VPS13C: variants seen among roughly 807,000 people sequenced by gnomAD.
VPS13C encodes the protein intermembrane lipid transfer protein VPS13C.
VPS13C carries 358 observed loss-of-function variants against 456.8 expected under a neutral mutation model. The observed-to-expected ratio is 0.78, with a 90% CI of 0.72 to 0.86. The LOEUF (loss-of-function observed/expected upper bound fraction) is 0.86. Among genes scored for constraint, VPS13C ranks in the 40% least tolerant of loss-of-function variants. The pLI is 0.00. For synonymous variants in VPS13C, 1,578 were observed against 1,486.7 expected (o/e 1.06, Z -1.41); for missense variants, 4,818 against 4,385.4 (o/e 1.10, Z -2.79).
intron 82 of VPS13C, chr15:61,856,880 C>T (rs1596259397): frequency 6.4e-6 from 1 of 155,698 alleles, no homozygotes; most frequent in Admixed American, 6.6e-5. Flanking sequence ...CAAGAACGAA[C>T]GTGAAGGAAA....
In VPS13C at chr15:62,010,479, T is replaced by G. The variant is rs1257207769; in HGVS notation, c.1004A>C (p.Lys335Thr). Residue 335 changes from lysine (K) to threonine (T), a missense_variant, in exon 13 of 85, where the codon AAA (lysine) becomes ACA (threonine). Physicochemically the swap from Lys to Thr is moderately conservative, Grantham distance 78. This residue lies in a region of VPS13C where 4,552 missense variants were observed against 4,130.6 expected (regional missense o/e 1.10). Coordinates refer to ENST00000644861, the MANE Select transcript of VPS13C (RefSeq NM_020821.3). ...EIQNIAIELT[K>T]PQYLSMIDLL... ...TATCCACATGAATCATACCTGAGGT[T>G]TGGTCAGTTCAATGGCAATATTTTG... The G allele has an allele frequency of 7.5e-6, 12 of 1,607,562 alleles. No individual in the cohort carries two copies. Among genetic ancestry groups the G allele is most frequent in the Non-Finnish European group, 1.0e-5 (12 of 1,177,614 alleles).
intron 1 of VPS13C, among the ~76,000 whole-genome samples, chr15:62,052,884 G>A (rs4372632): frequency 0.55 from 83,518 of 151,658 alleles, 23,315 homozygotes; most frequent in Admixed American, 0.63. Context: ...TTTGACAAAG[G>A]AAGGTAGAAA....
chr15:61,972,834 A>G, intron 26 of VPS13C, 70 bp from the exon 27 acceptor site: 2 of 1,445,112 alleles, frequency 1.4e-6, no homozygotes, highest in African/African-American at 1.4e-5. Flanking sequence ...ACTCAAATCT[A>G]AATCTCTAAA....
intron 18 of VPS13C, among the ~76,000 whole-genome samples, chr15:61,985,805 T>A (rs1282334534): frequency 6.6e-6 from 1 of 151,944 alleles, no homozygotes; most frequent in Non-Finnish European, 1.5e-5. Context: ...AGGGAGATGA[T>A]CCTGGAATTT....
At chr15:61,987,843 A>G (rs1462988532) in intron 18 of VPS13C, among the ~76,000 whole-genome samples, 1 of 152,208 alleles carries the variant, frequency 6.6e-6, no homozygotes, top group African/African-American at 2.4e-5. Context: ...GAAAAGTTAT[A>G]CATATTTACC....
intron 49 of VPS13C, among the ~76,000 whole-genome samples, chr15:61,933,329 A>G (rs919365045): frequency 3.9e-5 from 6 of 152,198 alleles, no homozygotes; most frequent in African/African-American, 1.4e-4. Context: ...AAAATAAGGC[A>G]GTTCATTGCA....
At chr15:61,999,853 G>A (rs1315372088) in intron 16 of VPS13C, among the ~76,000 whole-genome samples, 2 of 138,210 alleles carry the variant, frequency 1.4e-5, no homozygotes, top group Non-Finnish European at 3.1e-5. Context: ...AAAGAAAGAA[G>A]AGAGGGAGAG....
At chr15:61,938,839 T>G (rs1183791896) in intron 47 of VPS13C, among the ~76,000 whole-genome samples, 2 of 152,162 alleles carry the variant, frequency 1.3e-5, no homozygotes, top group African/African-American at 4.8e-5. Context: ...CCTTTCGCCC[T>G]TAGAGAAAGA....
In VPS13C at chr15:61,913,400, A is replaced by T; in HGVS notation, c.8461T>A (p.Ser2821Thr). 6.2e-7 allele frequency: 1 copy of T among 1,614,036 alleles called. No homozygotes were observed. The highest frequency in any genetic ancestry group is 1.7e-4 in the Middle Eastern group (1 of 6,060). ...AAACTACTGGACCAGGCACTGGTTG[A>T]AATTTTTAATTGTACCTATACCAGA... ...FTKNKVQLKI[S>T]TSAWSSSFSL... The change falls in exon 62 of 85, where the codon TCA (serine) becomes ACA (threonine). Residue 2821 changes from serine (S) to threonine (T), a missense_variant. Physicochemically the swap from Ser to Thr is moderately conservative, Grantham distance 58. This residue lies in a region of VPS13C where 4,552 missense variants were observed against 4,130.6 expected (regional missense o/e 1.10). Transcript: ENST00000644861.
rs747812804 is a variant in VPS13C, at chr15:61,966,088, C to A, written c.3046G>T (p.Val1016Phe). 5 of 1,600,200 alleles carry A rather than the reference C, an allele frequency of 3.1e-6. No homozygotes were observed. In the African/African-American group the frequency reaches 6.7e-5, roughly 22 times the overall value. ...CCTTTAACAGAATTTCTTACCTTAA[C>A]TGTTTGTTCAGTTTTTCCAAAAGCA... is the stretch of plus-strand genomic sequence containing the variant. ...QTAFGKTEQT[V>F]KVAFSSLNLL... The change falls in exon 30 of 85, where the codon GTT becomes TTT. Residue 1016 changes from valine (V) to phenylalanine (F), a missense_variant. This residue lies in a region of VPS13C where 4,552 missense variants were observed against 4,130.6 expected (regional missense o/e 1.10). Coordinates refer to ENST00000644861, the MANE Select transcript of VPS13C (RefSeq NM_020821.3).
chr15:61,990,967 G>T, intron 18 of VPS13C, 33 bp downstream of exon 18: 1 of 1,473,104 alleles, frequency 6.8e-7, no homozygotes, highest in South Asian at 1.2e-5. Context: ...AGTACAATGA[G>T]ACAAAATTCC....
chr15:61,924,424 T>C (rs574054620), intron 53 of VPS13C, among the ~76,000 whole-genome samples: 17 of 152,324 alleles, frequency 1.1e-4, no homozygotes, highest in African/African-American at 4.1e-4. Flanking sequence ...CTCCCGCATA[T>C]GTCATTAAGT....
intron 81 of VPS13C, chr15:61,864,914 C>A (rs1894438093): frequency 1.0e-6 from 1 of 974,590 alleles, no homozygotes; most frequent in Non-Finnish European, 1.2e-6. Flanking sequence ...ATCTGAAATG[C>A]AAGTACAAGA....
At chr15:62,030,593 T>A (rs1022730895) in intron 5 of VPS13C, among the ~76,000 whole-genome samples, 4 of 152,064 alleles carry the variant, frequency 2.6e-5, no homozygotes, top group Admixed American at 1.3e-4. Flanking sequence ...AACACACACA[T>A]CATGTGACCT....
intron 1 of VPS13C, among the ~76,000 whole-genome samples, chr15:62,050,803 CT>C: frequency 8.1e-6 from 1 of 123,722 alleles, no homozygotes; most frequent in Non-Finnish European, 1.7e-5. Context: ...AAGACCCAGT[CT>C]CAAAAAAAAA....
At chr15:62,017,271 C>A (rs2047289571) in intron 9 of VPS13C, among the ~76,000 whole-genome samples, 3 of 152,146 alleles carry the variant, frequency 2.0e-5, no homozygotes, top group Admixed American at 2.0e-4. Context: ...TTTTGCTGTG[C>A]AGAAGCTCTT....
At chr15:61,941,545 A>C (rs1216722296) in intron 46 of VPS13C, among the ~76,000 whole-genome samples, 1 of 152,200 alleles carries the variant, frequency 6.6e-6, no homozygotes, top group Non-Finnish European at 1.5e-5. Context: ...ATAGAATGAA[A>C]AAAATCATAT....
In VPS13C at chr15:61,927,836, T is replaced by A. The variant is rs543237296; in HGVS notation, c.6287-516A>T. 1.8e-4 allele frequency among the ~76,000 whole-genome samples: 28 copies of A among 152,222 alleles called. No individual in the cohort carries two copies. The South Asian group carries it at 5.8e-3, about 32-fold the overall frequency. On this transcript the variant is annotated intron_variant, in intron 51 of 84. Coordinates refer to ENST00000644861, the MANE Select transcript of VPS13C (RefSeq NM_020821.3). ...TAGACTGGATTAAGAAAATGGCACATATACACCATGGAATACTATGCAGCC... is the reference window on the plus strand; with the variant it reads ...TAGACTGGATTAAGAAAATGGCACAAATACACCATGGAATACTATGCAGCC...
intron 4 of VPS13C, among the ~76,000 whole-genome samples, 194 bp downstream of exon 4, chr15:62,034,763 A>G (rs1260213315): frequency 6.6e-6 from 1 of 151,590 alleles, no homozygotes; most frequent in African/African-American, 2.4e-5. Context: ...AACAACAACA[A>G]TACTTTATAC....
Sources: gnomAD v4.1 joint callset for allele counts (sites outside exome capture counted in the v4.1 genomes callset) on GRCh38, gnomAD v4.1.1 for gene constraint, gnomAD v4.1.1 regional missense constraint, MANE v1.5 for transcripts, NCBI Gene and HGNC (gene_info 2026-07-23, HGNC 2026-07-21) for gene names.